Variants in RDX observed in about 807,000 individuals in gnomAD.
RDX encodes radixin.
RDX carries 32 observed loss-of-function variants against 83.7 expected under a neutral mutation model. The ratio of observed to expected loss-of-function variants is 0.38; its 90% confidence interval spans 0.29 to 0.51. RDX has a LOEUF of 0.51. RDX is among the 20% of genes least tolerant of loss of function. The pLI is 0.87. For missense variants in RDX, 600 were observed against 689.9 expected, an observed-to-expected ratio of 0.87 and a Z score of 1.46; for synonymous variants, 229 against 222.7, an observed-to-expected ratio of 1.03 and a Z score of -0.25.
intron 3 of RDX, among the ~76,000 whole-genome samples, chr11:110,267,957 A>T (rs578125121): frequency 3.3e-5 from 5 of 151,788 alleles, no homozygotes; most frequent in African/African-American, 1.2e-4. Context: ...CTGTCTGAAA[A>T]AAAAGAAAAA....
chr11:110,293,300 T>C (rs1174355753), intron 1 of RDX, among the ~76,000 whole-genome samples: 1 of 152,202 alleles, frequency 6.6e-6, no homozygotes, highest in Non-Finnish European at 1.5e-5. Context: ...GCTGGGGTGT[T>C]CCAGGGAGTA....
At chr11:110,283,635 G>A (rs1036239222) in intron 1 of RDX, among the ~76,000 whole-genome samples, 1 of 152,130 alleles carries the variant, frequency 6.6e-6, no homozygotes, top group Middle Eastern at 3.4e-3. Context: ...TGAGACAGAT[G>A]GGCTGCTTGA....
intron 15 of RDX, among the ~76,000 whole-genome samples, chr11:110,186,222 C>T (rs916241677): frequency 1.3e-5 from 2 of 152,104 alleles, no homozygotes; most frequent in African/African-American, 4.8e-5. Flanking sequence ...CTTCAGCTTC[C>T]CATCAGAGCA....
intron 15 of RDX, among the ~76,000 whole-genome samples, chr11:110,182,607 C>G (rs1862909900): frequency 6.6e-6 from 1 of 152,066 alleles, no homozygotes; most frequent in Non-Finnish European, 1.5e-5. Flanking sequence ...TCTCAAACAA[C>G]AACAACAACA....
chr11:110,236,801 G>A (rs1320121254), intron 11 of RDX: 2 of 152,444 alleles, frequency 1.3e-5, no homozygotes, highest in Admixed American at 6.6e-5. Context: ...TGTATTTTTA[G>A]TAGAGACAGG....
chr11:110,252,459 G>T (rs956088891), intron 9 of RDX, among the ~76,000 whole-genome samples: 1 of 152,072 alleles, frequency 6.6e-6, no homozygotes, highest in Non-Finnish European at 1.5e-5. Context: ...GAACAGTTAG[G>T]CATACTATAG....
intron 14 of RDX, among the ~76,000 whole-genome samples, chr11:110,209,197 T>C (rs1235803243): frequency 6.6e-6 from 1 of 151,692 alleles, no homozygotes. Context: ...GGTCAGGGAG[T>C]TCCCTTTCTG....
chr11:110,193,542 AAATAG>A (rs56896765), intron 15 of RDX, among the ~76,000 whole-genome samples: 72,039 of 151,496 alleles, frequency 0.48, 17,171 homozygotes, highest in East Asian at 0.6. Flanking sequence ...TTACAAAACA[AAATAG>A]AATAAACTAT....
At chr11:110,201,903 T>TGTGTG (rs1863419936) in intron 14 of RDX, among the ~76,000 whole-genome samples, 1 of 137,220 alleles carries the variant, frequency 7.3e-6, no homozygotes, top group East Asian at 2.2e-4. Flanking sequence ...CCGGCTAATT[T>TGTGTG]TGTGTGTGTG....
chr11:110,185,819 G>A (rs761605444), intron 15 of RDX, among the ~76,000 whole-genome samples: 27 of 152,186 alleles, frequency 1.8e-4, no homozygotes, highest in East Asian at 1.2e-3. Context: ...ATACTATGGC[G>A]TGGAGGTGCT....
At chr11:110,278,499 T>C (rs1004307507) in intron 2 of RDX, among the ~76,000 whole-genome samples, 2 of 152,136 alleles carry the variant, frequency 1.3e-5, no homozygotes, top group Non-Finnish European at 2.9e-5. Context: ...GTACATTTAT[T>C]ACTAAGTGTG....
At chr11:110,205,354 A>C (rs1373321779) in intron 14 of RDX, among the ~76,000 whole-genome samples, 1 of 151,738 alleles carries the variant, frequency 6.6e-6, no homozygotes, top group South Asian at 2.1e-4. Context: ...AGACACACAC[A>C]AGAAAAAATC....
intron 11 of RDX, among the ~76,000 whole-genome samples, 198 bp downstream of exon 11, chr11:110,237,294 T>C (rs572877262): frequency 3.9e-5 from 6 of 152,186 alleles, no homozygotes; most frequent in East Asian, 1.9e-4. Context: ...AAATGCCTTA[T>C]TCTTTTGTAT....
At chr11:110,215,050 ATAT>A (rs368352264) in intron 14 of RDX, among the ~76,000 whole-genome samples, 12,997 of 68,006 alleles carry the variant, frequency 0.19, 622 homozygotes, top group Middle Eastern at 0.3. Context: ...AAAAAAAAAA[ATAT>A]ATATATATAT....
At chr11:110,210,651 C>A (rs1363112830) in intron 14 of RDX, among the ~76,000 whole-genome samples, 1 of 150,890 alleles carries the variant, frequency 6.6e-6, no homozygotes, top group Non-Finnish European at 1.5e-5. Flanking sequence ...TCGGCAGAAA[C>A]CCTACAAGCC....
chr11:110,204,057 TGA>T (rs35177375), intron 14 of RDX, among the ~76,000 whole-genome samples: 58,589 of 151,578 alleles, frequency 0.39, 11,542 homozygotes, highest in East Asian at 0.6. Flanking sequence ...AGAAAAGAAA[TGA>T]GACACCACTT....
In RDX at chr11:110,259,729, G is replaced by A. The variant is rs111786596; in HGVS notation, c.468-1540C>T. Among the ~76,000 whole-genome samples the A allele has an allele frequency of 4.8e-3, 738 of 152,276 alleles. 5 individuals are homozygous for A. The highest frequency in any genetic ancestry group is 8.5e-3 in the Non-Finnish European group (580 of 68,016). ...AGAGAGGCATGCAATCAGCCTTGGA[G>A]ACATAACCCAGTGCAGTCAATTGCT... On this transcript the variant is annotated intron_variant, in intron 5 of 13. Transcript: ENST00000645495.
chr11:110,188,004 A>G (rs1863020972), intron 15 of RDX, among the ~76,000 whole-genome samples: 1 of 152,140 alleles, frequency 6.6e-6, no homozygotes, highest in Non-Finnish European at 1.5e-5. Flanking sequence ...GAACAAAAGA[A>G]TGGCATTGGC....
chr11:110,234,851 T>C (rs1379906590), intron 12 of RDX, among the ~76,000 whole-genome samples: 1 of 152,198 alleles, frequency 6.6e-6, no homozygotes, highest in African/African-American at 2.4e-5. Flanking sequence ...GTTTTCTGTA[T>C]AAGTACATTT....
Sources: gnomAD v4.1 joint callset for allele counts (sites outside exome capture counted in the v4.1 genomes callset) on GRCh38, gnomAD v4.1.1 for gene constraint, MANE v1.5 for transcripts, NCBI Gene and HGNC (gene_info 2026-07-23, HGNC 2026-07-21) for gene names.